Variants in RAB11FIP3 observed in about 807,000 individuals in gnomAD.
The protein encoded by RAB11FIP3 is rab11 family-interacting protein 3.
RAB11FIP3 carries 17 observed loss-of-function variants against 77.8 expected under a neutral mutation model. That is an observed-to-expected ratio of 0.22 (90% CI 0.15 to 0.33). RAB11FIP3 has a LOEUF of 0.33. RAB11FIP3 is among the 10% of genes least tolerant of loss of function. The probability of loss-of-function intolerance (pLI) is 1.00; values close to 1 mark genes in which losing one functional copy is unlikely to be tolerated. For synonymous variants in RAB11FIP3, 437 were observed against 448.2 expected (o/e 0.98, Z 0.31); for missense variants, 1,005 against 1,011.2 (o/e 0.99, Z 0.08).
intron 6 of RAB11FIP3, among the ~76,000 whole-genome samples, chr16:502,207 A>C (rs75073086): frequency 2.0e-5 from 3 of 152,228 alleles, no homozygotes; most frequent in Non-Finnish European, 4.4e-5. Context: ...CAGATTCACC[A>C]CAGCGAATCT....
chr16:456,161 A>G (rs1221779629), intron 1 of RAB11FIP3, among the ~76,000 whole-genome samples: 3 of 150,576 alleles, frequency 2.0e-5, no homozygotes, highest in African/African-American at 2.4e-5. Context: ...GTGAAACCCC[A>G]TCTGTAAGGT....
intron 9 of RAB11FIP3, among the ~76,000 whole-genome samples, chr16:516,242 G>T (rs1414752589): frequency 1.3e-5 from 2 of 152,194 alleles, no homozygotes; most frequent in African/African-American, 4.8e-5. Flanking sequence ...TCTGGGTGTT[G>T]GTGCAGGTTG....
At chr16:517,398 T>C (rs1393565962) in intron 9 of RAB11FIP3, among the ~76,000 whole-genome samples, 2 of 151,856 alleles carry the variant, frequency 1.3e-5, no homozygotes, top group Non-Finnish European at 2.9e-5. Flanking sequence ...CAAGACCTTG[T>C]CTCTGCAAAA....
chr16:512,160 G>T (rs776202987), intron 9 of RAB11FIP3, among the ~76,000 whole-genome samples: 15 of 152,138 alleles, frequency 9.9e-5, no homozygotes, highest in Non-Finnish European at 2.2e-4. Context: ...TGACCCTGAC[G>T]CTGTGCGGGT....
intron 1 of RAB11FIP3, among the ~76,000 whole-genome samples, chr16:453,033 C>T (rs1267729599): frequency 5.0e-5 from 3 of 59,722 alleles, no homozygotes; most frequent in South Asian, 5.6e-4. Context: ...GGATTACAGG[C>T]GTGAGCCACC....
chr16:428,267 A>C (rs1197180240), intron 1 of RAB11FIP3, among the ~76,000 whole-genome samples: 1 of 152,150 alleles, frequency 6.6e-6, no homozygotes, highest in Non-Finnish European at 1.5e-5. Context: ...TTCCACCTAC[A>C]CTAATGGGCA....
At chr16:438,998 TAAAG>T (rs2055180504) in intron 1 of RAB11FIP3, among the ~76,000 whole-genome samples, 1 of 152,160 alleles carries the variant, frequency 6.6e-6, no homozygotes, top group African/African-American at 2.4e-5. Flanking sequence ...AAACATTCTT[TAAAG>T]AGATAGGGCC....
chr16:460,740 G>A (rs2055591463), intron 1 of RAB11FIP3, among the ~76,000 whole-genome samples: 1 of 152,108 alleles, frequency 6.6e-6, no homozygotes, highest in Non-Finnish European at 1.5e-5. Flanking sequence ...GATCCTTGCC[G>A]GAACAATACC....
In RAB11FIP3 at chr16:482,642, G is replaced by A; in HGVS notation, c.1021G>A (p.Asp341Asn). 1.2e-6 allele frequency: 2 copies of A among 1,613,406 alleles called. No homozygotes were observed. The highest frequency in any genetic ancestry group is 1.7e-6 in the Non-Finnish European group (2 of 1,180,042). Residue 341 changes from aspartate (D) to asparagine (N), a missense_variant, in exon 4 of 14, where the codon GAC becomes AAC. Asp to Asn is a conservative substitution (Grantham distance 23). Transcript: ENST00000262305. ...GCACCCTGAGCTGCAACCTGAAGGG[G>A]ACGCAGACAGTGCCGGCGGCTCGGC... ...LVHPELQPEGDADSAGGSAVP... is the reference protein window; with the variant it reads ...LVHPELQPEGNADSAGGSAVP...
chr16:467,280 C>T (rs1479273113), intron 2 of RAB11FIP3, among the ~76,000 whole-genome samples: 2 of 152,194 alleles, frequency 1.3e-5, no homozygotes, highest in African/African-American at 4.8e-5. Context: ...GCAGGCCTCA[C>T]AATTCTGTCT....
chr16:488,756 T>A, intron 4 of RAB11FIP3, 95 bp from the exon 5 acceptor site: 1 of 1,297,138 alleles, frequency 7.7e-7, no homozygotes, highest in Non-Finnish European at 1.0e-6. Context: ...CACGTGTGGC[T>A]TGTAGCACAC....
intron 6 of RAB11FIP3, among the ~76,000 whole-genome samples, chr16:500,897 A>C (rs2031473327): frequency 6.6e-6 from 1 of 152,034 alleles, no homozygotes; most frequent in Non-Finnish European, 1.5e-5. Context: ...GTGGCCTCTC[A>C]GGATGGGCTC....
At chr16:492,037 G>C (rs1234917176) in intron 5 of RAB11FIP3, among the ~76,000 whole-genome samples, 1 of 152,200 alleles carries the variant, frequency 6.6e-6, no homozygotes, top group African/African-American at 2.4e-5. Context: ...GACGGTTCTA[G>C]CATGTTTAGA....
intron 4 of RAB11FIP3, among the ~76,000 whole-genome samples, chr16:486,384 C>T (rs893956801): frequency 6.6e-6 from 1 of 152,116 alleles, no homozygotes; most frequent in African/African-American, 2.4e-5. Context: ...CCCAGCTACT[C>T]GGGAGGCTGA....
At position 457,692 on chromosome 16, in the gene RAB11FIP3, A is replaced by G. The variant is rs930445186; in HGVS notation, c.715-3712A>G. ...CTCTTGTTCATTCTAACATGGTAAC[A>G]TGTAAAAGGGGCCTATTCTAGTTAA... On this transcript the variant is annotated intron_variant, in intron 1 of 13. Coordinates refer to ENST00000262305, the MANE Select transcript of RAB11FIP3 (RefSeq NM_014700.4). Among the ~76,000 whole-genome samples the G allele has an allele frequency of 4.6e-5, 7 of 152,324 alleles. No individual in the cohort carries two copies. The South Asian group carries it at 1.4e-3, about 32-fold the overall frequency.
rs1277926498 is a variant in RAB11FIP3 at position 452,583 on chromosome 16, C to T, written c.715-8821C>T. 2.0e-3 allele frequency among the ~76,000 whole-genome samples: 292 copies of T among 148,734 alleles called. 2 individuals are homozygous for T. Among genetic ancestry groups the T allele is most frequent in the African/African-American group, 6.7e-3 (271 of 40,610 alleles). The stretch of plus-strand genomic sequence containing the variant: ...CCGAGTAGTTGGGACTACAGGCGCC[C>T]GCCACCACGCCCGGCTAATTTTTTG... On this transcript the variant is annotated intron_variant, in intron 1 of 13. Transcript: ENST00000262305.
At chr16:498,542 T>C (rs903967488) in intron 6 of RAB11FIP3, among the ~76,000 whole-genome samples, 2 of 152,160 alleles carry the variant, frequency 1.3e-5, no homozygotes, top group African/African-American at 4.8e-5. Context: ...TTTGAGACAG[T>C]CTTGCTCTGT....
chr16:460,785 C>G (rs1458545453), intron 1 of RAB11FIP3, among the ~76,000 whole-genome samples: 1 of 152,210 alleles, frequency 6.6e-6, no homozygotes, highest in Non-Finnish European at 1.5e-5. Flanking sequence ...ACGTAAGACC[C>G]TGGCTGCTGG....
At position 471,168 on chromosome 16, in the gene RAB11FIP3, C is replaced by G. The variant is rs1480046347; in HGVS notation, c.809-127C>G. On this transcript the variant is annotated intron_variant, in intron 2 of 13. Coordinates refer to ENST00000262305, the MANE Select transcript of RAB11FIP3 (RefSeq NM_014700.4). The surrounding 1 kb of genome is among the most constrained non-coding windows in gnomAD (Gnocchi z 4.4). ...ACTCCCTTGCTTGTCTTGACCCCCC[C>G]CAGGGCCCCCAACTCCCACACATCT... 6.8e-6 allele frequency: 5 copies of G among 738,044 alleles called. No individual in the cohort carries two copies. The highest frequency in any genetic ancestry group is 1.8e-5 in the African/African-American group (1 of 57,044). 45.7% of individuals were successfully genotyped at this position (738,044 alleles called of 1,614,324 possible).
Sources: allele counts gnomAD v4.1 joint callset (sites outside exome capture counted in the v4.1 genomes callset), GRCh38; gene constraint gnomAD v4.1.1; non-coding constraint Gnocchi (gnomAD v3.1); transcripts MANE v1.5; gene names NCBI Gene and HGNC (gene_info 2026-07-23, HGNC 2026-07-21).